WRNIP1: variants seen among roughly 807,000 people sequenced by gnomAD.
The protein encoded by WRNIP1 is ATPase WRNIP1.
A neutral mutation model predicts 56.1 loss-of-function variants in WRNIP1; 41 were observed. The ratio of observed to expected loss-of-function variants is 0.73; its 90% CI spans 0.57 to 0.95. WRNIP1 has a LOEUF of 0.95. Ranked by LOEUF, WRNIP1 falls within the 40% of genes least tolerant of loss-of-function variation. The probability of loss-of-function intolerance (pLI) is 0.00; values close to 1 mark genes in which losing one functional copy is unlikely to be tolerated. For synonymous variants in WRNIP1, 547 were observed against 398.1 expected (o/e 1.37, Z -4.45); for missense variants, 1,170 against 939.4 (o/e 1.25, Z -3.21).
At chr6:2,767,945 C>A (rs1765097895) in intron 1 of WRNIP1, among the ~76,000 whole-genome samples, 1 of 152,170 alleles carries the variant, frequency 6.6e-6, no homozygotes, top group Non-Finnish European at 1.5e-5. Flanking sequence ...AAAGAAAGTA[C>A]CACCTTTCCA....
intron 1 of WRNIP1, 78 bp from the exon 2 acceptor site, chr6:2,768,613 C>T (rs1454818950): frequency 7.2e-6 from 9 of 1,258,340 alleles, no homozygotes; most frequent in Admixed American, 2.7e-5. Flanking sequence ...AGTGATGCTG[C>T]GTGTGGTGGT....
chr6:2,766,470 T>C (rs766604387), intron 1 of WRNIP1, 26 bp downstream of exon 1: 22 of 1,475,494 alleles, frequency 1.5e-5, no homozygotes, highest in Middle Eastern at 3.6e-4. Context: ...GCCGTTGGGC[T>C]TCCGTAGTTA....
chr6:2,777,601 G>A (rs934311286), intron 3 of WRNIP1, among the ~76,000 whole-genome samples: 4 of 152,192 alleles, frequency 2.6e-5, no homozygotes, highest in Non-Finnish European at 5.9e-5. Flanking sequence ...GGCTGAGAGT[G>A]CACCCTTCCC....
intron 3 of WRNIP1, among the ~76,000 whole-genome samples, chr6:2,774,828 G>A (rs1344472338): frequency 5.9e-5 from 9 of 152,194 alleles, no homozygotes; most frequent in Non-Finnish European, 1.3e-4. Context: ...TTATGGAAGC[G>A]GCAGCATCTG....
At chr6:2,772,866 A>C in intron 3 of WRNIP1, 1 of 735,750 alleles carries the variant, frequency 1.4e-6, no homozygotes, top group Non-Finnish European at 1.7e-6. Context: ...GTGCATATAA[A>C]TCAGATTTGG....
chr6:2,776,566 C>T (rs1765435005), intron 3 of WRNIP1, among the ~76,000 whole-genome samples: 3 of 152,310 alleles, frequency 2.0e-5, no homozygotes, highest in Admixed American at 2.0e-4. Flanking sequence ...GTTTAAAAGC[C>T]AAAGGAAGAC....
chr6:2,774,207 G>A (rs1197966955), intron 3 of WRNIP1: 5 of 985,088 alleles, frequency 5.1e-6, no homozygotes, highest in Non-Finnish European at 2.4e-6. Context: ...TAATACAAGG[G>A]TGCATTAAAA....
chr6:2,783,079 G>GC (rs1253275317), intron 4 of WRNIP1, among the ~76,000 whole-genome samples: 2 of 17,770 alleles, frequency 1.1e-4, no homozygotes, highest in African/African-American at 1.5e-4. Flanking sequence ...CAGAAGACTC[G>GC]TCCCCCTCCA....
In WRNIP1 at chr6:2,785,129, C is replaced by A; in HGVS notation, c.1845C>A (p.Pro615=). ...RNHQGPLPPV[P]LHLRNAPTRL... ...ACCAGGGGCCACTGCCCCCCGTGCC[C>A]CTGCACCTGAGGAACGCGCCCACTA... The change falls in exon 7 of 7, where the codon CCC becomes CCA. Residue 615 remains proline, a synonymous_variant. Transcript: ENST00000380773. The A allele has an allele frequency of 1.2e-6, 2 of 1,614,176 alleles. No homozygotes were observed. Among genetic ancestry groups the A allele is most frequent in the Non-Finnish European group, 1.7e-6 (2 of 1,180,038 alleles).
chr6:2,765,420 C>T lies in WRNIP1; in HGVS notation c.-203C>T. ...ACTTCCCGACACGCCGCGTGAGGCGCTGCCAGCGGCCGGCCGAGGGCGGGC... is the reference window on the plus strand; with the variant it reads ...ACTTCCCGACACGCCGCGTGAGGCGTTGCCAGCGGCCGGCCGAGGGCGGGC... On this transcript the variant is annotated 5_prime_UTR_variant, in exon 1 of 7. Coordinates refer to ENST00000380773, the MANE Select transcript of WRNIP1 (RefSeq NM_020135.3). 9.9e-6 allele frequency: 5 copies of T among 504,342 alleles called. No individual in the cohort carries two copies. Among genetic ancestry groups the T allele is most frequent in the Non-Finnish European group, 1.5e-5 (5 of 340,174 alleles). The allele number at this position is 504,342 out of a possible 1,614,324, so 31.2% of individuals were successfully genotyped here.
rs1183599177 is a variant in WRNIP1 at position 2,783,406 on chromosome 6, G to A, written c.1487G>A (p.Gly496Asp). ...QRSHILYDRA[G>D]EEHYNCISAL... ...TGAGTGGTGCTCTTTGTGATGTCAGGTGAGGAGCATTACAACTGCATCTCC... is the reference window on the plus strand; with the variant it reads ...TGAGTGGTGCTCTTTGTGATGTCAGATGAGGAGCATTACAACTGCATCTCC... The change falls in exon 5 of 7, where the codon GGT (glycine) becomes GAT (aspartate). Residue 496 changes from glycine to aspartate, a missense_variant and splice_region_variant. Transcript: ENST00000380773. 1.9e-6 allele frequency: 3 copies of A among 1,591,572 alleles called. No homozygotes were observed. Among genetic ancestry groups the A allele is most frequent in the East Asian group, 2.3e-5 (1 of 43,582 alleles).
intron 4 of WRNIP1, among the ~76,000 whole-genome samples, chr6:2,779,976 G>A (rs1765518224): frequency 6.6e-6 from 1 of 152,138 alleles, no homozygotes; most frequent in Non-Finnish European, 1.5e-5. Context: ...TTTATTTTAT[G>A]TAGTAGCTTT....
chr6:2,784,337 G>T lies in WRNIP1; in HGVS notation c.1656G>T (p.Pro552=), dbSNP rs160703. The T allele has an allele frequency of 1.2e-6, 2 of 1,613,314 alleles. No homozygotes were observed. Among genetic ancestry groups the T allele is most frequent in the South Asian group, 1.1e-5 (1 of 91,038 alleles). The change falls in exon 6 of 7, where the codon CCG becomes CCT. Residue 552 remains proline, a synonymous_variant. Transcript: ENST00000380773. Reference sequence around the variant, plus strand: ...TGTGTGTGGCAGGTCTGGCAGACCCGTCTGCGTTAACACAAGCGGTTGCTG... The same window carrying T: ...TGTGTGTGGCAGGTCTGGCAGACCCTTCTGCGTTAACACAAGCGGTTGCTG... ...FASEDIGLAD[P]SALTQAVAAY... is the part of the protein sequence containing the mutation.
Position 2,766,188 on chromosome 6 carries a change from G to T in WRNIP1, c.566G>T (p.Trp189Leu). The T allele has an allele frequency of 7.2e-7, 1 of 1,388,814 alleles. No homozygotes were observed. 86.0% of individuals were successfully genotyped at this position (1,388,814 alleles called of 1,614,324 possible). A position where few individuals can be genotyped will look rare whatever the true frequency, so the allele number is the denominator to read the frequency against. The stretch of plus-strand genomic sequence containing the variant: ...GACGGCGAGGACGACCCGGGGCACT[G>T]GGACGCGGACGCTGCCGAAGCCGCC... The part of the protein sequence containing the change: ...DADGEDDPGH[W>L]DADAAEAATA... Residue 189 changes from tryptophan (W) to leucine (L), a missense_variant, in exon 1 of 7, where the codon TGG becomes TTG. Trp to Leu is a moderately conservative substitution (Grantham distance 61). Coordinates refer to ENST00000380773, the MANE Select transcript of WRNIP1 (RefSeq NM_020135.3).
chr6:2,773,832 A>G (rs1765369511), intron 3 of WRNIP1: 4 of 975,024 alleles, frequency 4.1e-6, no homozygotes, highest in Non-Finnish European at 4.9e-6. Context: ...AGAGAGTGAA[A>G]TGAGAAGCCA....
At position 2,765,916 on chromosome 6, in the gene WRNIP1, G is replaced by A. The variant is rs901655693; in HGVS notation, c.294G>A (p.Glu98=). Residue 98 remains glutamate (E), a synonymous_variant, in exon 1 of 7, where the codon GAG becomes GAA. Coordinates refer to ENST00000380773, the MANE Select transcript of WRNIP1 (RefSeq NM_020135.3). ...AAESSEGEGE[E]GDDGGETESR... ...AGAGCAGCGAGGGCGAGGGTGAGGAGGGCGACGACGGCGGCGAGACCGAGA... is the reference window on the plus strand; with the variant it reads ...AGAGCAGCGAGGGCGAGGGTGAGGAAGGCGACGACGGCGGCGAGACCGAGA... 13 of 1,454,560 alleles carry A rather than the reference G, an allele frequency of 8.9e-6. No individual in the cohort carries two copies. Among genetic ancestry groups the A allele is most frequent in the South Asian group, 1.3e-5 (1 of 75,852 alleles). The allele number at this position is 1,454,560 out of a possible 1,614,324, so 90.1% of individuals were successfully genotyped here.
At chr6:2,772,177 T>C (rs1293035090) in intron 3 of WRNIP1, among the ~76,000 whole-genome samples, 3 of 152,196 alleles carry the variant, frequency 2.0e-5, no homozygotes, top group Non-Finnish European at 2.9e-5. Flanking sequence ...AATCCTCAGG[T>C]GATTTGCAGG....
intron 3 of WRNIP1, among the ~76,000 whole-genome samples, chr6:2,772,084 G>T (rs160663): frequency 6.6e-6 from 1 of 152,208 alleles, no homozygotes; most frequent in Non-Finnish European, 1.5e-5. Flanking sequence ...AGTCACTGCC[G>T]TGCAGGAATT....
chr6:2,773,286 CAGAGGGAGCG>C, intron 3 of WRNIP1: 4 of 985,370 alleles, frequency 4.1e-6, no homozygotes, highest in Non-Finnish European at 4.8e-6. Flanking sequence ...CCTGTGCCTT[CAGAGGGAGCG>C]CAGTATGATG....
Sources: allele counts gnomAD v4.1 joint callset (sites outside exome capture counted in the v4.1 genomes callset), GRCh38; gene constraint gnomAD v4.1.1; transcripts MANE v1.5; gene names NCBI Gene and HGNC (gene_info 2026-07-23, HGNC 2026-07-21).